Variants in ARHGAP15 observed in about 807,000 individuals in gnomAD.
The protein encoded by ARHGAP15 is Rho GTPase activating protein 15.
ARHGAP15 carries 51 observed loss-of-function variants against 63.7 expected under a neutral mutation model. The observed-to-expected ratio is 0.80, with a 90% CI of 0.64 to 1.01. ARHGAP15 has a LOEUF of 1.01. Ranked by LOEUF, ARHGAP15 falls within the 50% of genes least tolerant of loss-of-function variation. The pLI is 0.00. For missense variants in ARHGAP15, 560 were observed against 564.6 expected (o/e 0.99, Z 0.08); for synonymous variants, 191 against 193.8 (o/e 0.99, Z 0.12).
At chr2:143,575,950 T>C (rs80196699) in intron 11 of ARHGAP15, among the ~76,000 whole-genome samples, 9,484 of 152,154 alleles carry the variant, frequency 0.062, 410 homozygotes, top group Non-Finnish European at 0.093. Context: ...ATACTCAATT[T>C]AGCCTTCTCT....
At chr2:143,467,927 T>C (rs1042037678) in intron 8 of ARHGAP15, among the ~76,000 whole-genome samples, 5 of 152,156 alleles carry the variant, frequency 3.3e-5, no homozygotes, top group African/African-American at 1.2e-4. Context: ...AGTTCATCTA[T>C]CTTTGCCATA....
chr2:143,276,307 G>A (rs973464749), intron 6 of ARHGAP15, among the ~76,000 whole-genome samples: 1 of 152,074 alleles, frequency 6.6e-6, no homozygotes, highest in African/African-American at 2.4e-5. Context: ...CTTTGCAGCC[G>A]ACTTACCAAA....
At position 143,469,902 on chromosome 2, in the gene ARHGAP15, C is replaced by A. The variant is rs150506592; in HGVS notation, c.704-17471C>A. Among the ~76,000 whole-genome samples the A allele has an allele frequency of 1.3e-4, 20 of 152,188 alleles. No homozygotes were observed. In the East Asian group the frequency reaches 3.7e-3, roughly 28 times the overall value. The stretch of plus-strand genomic sequence containing the variant: ...CTGGTCTAGGGGTCTGAGACCTCAG[C>A]CACATGCTGGACTACCCTTTCCAAG... On this transcript the variant is annotated intron_variant, in intron 8 of 13. Transcript: ENST00000295095.
intron 6 of ARHGAP15, among the ~76,000 whole-genome samples, chr2:143,384,565 TAAAA>T (rs11309282): frequency 3.5e-4 from 53 of 149,338 alleles, no homozygotes; most frequent in East Asian, 1.4e-3. Context: ...GTTTTAGAGT[TAAAA>T]AAAAAAAAAA....
intron 6 of ARHGAP15, among the ~76,000 whole-genome samples, chr2:143,333,050 G>A (rs1684618197): frequency 6.6e-6 from 1 of 150,700 alleles, no homozygotes; most frequent in Non-Finnish European, 1.5e-5. Context: ...AATGCTTGTA[G>A]CCTTCACTGG....
At chr2:143,419,149 A>AG (rs1396459142) in intron 6 of ARHGAP15, among the ~76,000 whole-genome samples, 3 of 31,834 alleles carry the variant, frequency 9.4e-5, no homozygotes, top group East Asian at 1.7e-3. Context: ...AGAAATTCTA[A>AG]GAAAAAAAAA....
At chr2:143,767,612 T>C (rs2072965918) in intron 13 of ARHGAP15, among the ~76,000 whole-genome samples, 1 of 152,210 alleles carries the variant, frequency 6.6e-6, no homozygotes, top group Non-Finnish European at 1.5e-5. Context: ...GGTTATTTCA[T>C]TTGGGTTCTT....
chr2:143,384,300 A>G (rs1231037236), intron 6 of ARHGAP15, among the ~76,000 whole-genome samples: 1 of 152,026 alleles, frequency 6.6e-6, no homozygotes, highest in Non-Finnish European at 1.5e-5. Context: ...GCCTTTTTGC[A>G]AGATTGGTCC....
At chr2:143,310,802 T>C (rs1179959888) in intron 6 of ARHGAP15, among the ~76,000 whole-genome samples, 3 of 152,062 alleles carry the variant, frequency 2.0e-5, no homozygotes, top group African/African-American at 7.2e-5. Flanking sequence ...TACTGTATAA[T>C]CTAAAACTCT....
chr2:143,543,128 C>T (rs1158451315), intron 10 of ARHGAP15, among the ~76,000 whole-genome samples: 2 of 151,626 alleles, frequency 1.3e-5, no homozygotes, highest in Non-Finnish European at 2.9e-5. Flanking sequence ...ATATTTTTTC[C>T]CATAATTGTT....
chr2:143,305,942 G>A (rs1290514945), intron 6 of ARHGAP15, among the ~76,000 whole-genome samples: 6 of 152,002 alleles, frequency 3.9e-5, no homozygotes, highest in South Asian at 2.1e-4. Context: ...TAAGATATTC[G>A]CCAAATAAGT....
intron 10 of ARHGAP15, among the ~76,000 whole-genome samples, chr2:143,539,872 G>A (rs1694965000): frequency 1.3e-5 from 2 of 152,056 alleles, no homozygotes; most frequent in African/African-American, 2.4e-5. Context: ...TTGTGGTGGA[G>A]GGTTCTGTAG....
At chr2:143,653,313 G>C (rs1681267298) in intron 12 of ARHGAP15, among the ~76,000 whole-genome samples, 1 of 151,992 alleles carries the variant, frequency 6.6e-6, no homozygotes. Context: ...ATATTAATCT[G>C]AATGATTTTT....
chr2:143,233,879 A>C (rs1257884463), intron 5 of ARHGAP15, among the ~76,000 whole-genome samples: 1 of 152,028 alleles, frequency 6.6e-6, no homozygotes, highest in African/African-American at 2.4e-5. Context: ...TCCTGACCTC[A>C]AGTGCTCTGC....
chr2:143,703,378 C>A (rs1223216989), intron 12 of ARHGAP15, 41 bp from the exon 13 acceptor site: 5 of 1,557,688 alleles, frequency 3.2e-6, no homozygotes, highest in Admixed American at 3.7e-5. Flanking sequence ...CCTATGAAAT[C>A]TTGTTTTTTC....
At chr2:143,296,348 C>G (rs1558873314) in intron 6 of ARHGAP15, among the ~76,000 whole-genome samples, 1 of 152,026 alleles carries the variant, frequency 6.6e-6, no homozygotes, top group Non-Finnish European at 1.5e-5. Context: ...TTTTGTGATG[C>G]ATCTGACACC....
At chr2:143,221,338 A>G (rs1692991031) in intron 4 of ARHGAP15, among the ~76,000 whole-genome samples, 1 of 152,188 alleles carries the variant, frequency 6.6e-6, no homozygotes, top group Admixed American at 6.5e-5. Context: ...AAAAGGAAAG[A>G]TAAATTATTG....
chr2:143,537,094 T>C (rs1020453851), intron 10 of ARHGAP15, among the ~76,000 whole-genome samples: 5 of 152,198 alleles, frequency 3.3e-5, no homozygotes, highest in Admixed American at 6.5e-5. Flanking sequence ...TATCTCATTG[T>C]GGTTTTGATT....
intron 6 of ARHGAP15, among the ~76,000 whole-genome samples, chr2:143,359,201 C>T (rs916558242): frequency 6.6e-6 from 1 of 152,068 alleles, no homozygotes; most frequent in East Asian, 1.9e-4. Flanking sequence ...TCCTCATTAT[C>T]TTAGGCAATA....
Sources: gnomAD v4.1 joint callset for allele counts (sites outside exome capture counted in the v4.1 genomes callset) on GRCh38, gnomAD v4.1.1 for gene constraint, MANE v1.5 for transcripts, NCBI Gene and HGNC (gene_info 2026-07-23, HGNC 2026-07-21) for gene names.